The following CACNA1E variants were observed in gnomAD, a reference collection of about 807,000 sequenced individuals.
CACNA1E encodes calcium voltage-gated channel subunit alpha1 E, also known as voltage-dependent R-type calcium channel subunit alpha-1E.
CACNA1E carries 40 observed loss-of-function variants against 259.2 expected under a neutral mutation model. The observed-to-expected ratio is 0.15, with a 90% CI of 0.12 to 0.20. The LOEUF (loss-of-function observed/expected upper bound fraction) is 0.20, where lower values mean the gene tolerates loss of function less well. Ranked by LOEUF, CACNA1E falls within the 10% of genes least tolerant of loss-of-function variation. The pLI, the probability that CACNA1E is intolerant of heterozygous loss-of-function variation, is 1.00. For missense variants in CACNA1E, 1,874 were observed against 3,040.1 expected (o/e 0.62, Z 9.02); for synonymous variants, 1,104 against 1,138.5 (o/e 0.97, Z 0.61).
intron 1 of CACNA1E, among the ~76,000 whole-genome samples, chr1:181,321,431 T>C (rs905965492): frequency 1.3e-5 from 2 of 152,236 alleles, no homozygotes; most frequent in African/African-American, 4.8e-5. Flanking sequence ...AGGGTTTGTC[T>C]GCACCTTAGT....
chr1:181,721,856 G>T lies in CACNA1E; in HGVS notation c.2055G>T (p.Val685=). The change falls in exon 16 of 48, where the codon GTG becomes GTT. Residue 685 remains valine (V), a synonymous_variant. Coordinates refer to ENST00000367573, the MANE Select transcript of CACNA1E (RefSeq NM_001205293.3). ...TGTGGTCTGCCATCTACTTCATTGT[G>T]CTCACCTTGTTTGGCAACTGTATCC... ...SGMWSAIYFI[V]LTLFGNYTLL... The T allele has an allele frequency of 6.2e-7, 1 of 1,610,294 alleles. No homozygotes were observed. The highest frequency in any genetic ancestry group is 8.5e-7 in the Non-Finnish European group (1 of 1,176,544).
At chr1:181,514,397 AAG>A (rs1414996333) in intron 3 of CACNA1E, among the ~76,000 whole-genome samples, 1 of 152,184 alleles carries the variant, frequency 6.6e-6, no homozygotes, top group Non-Finnish European at 1.5e-5. Context: ...CTGGTACTCA[AAG>A]AGGGTAAGTT....
chr1:181,526,850 T>C (rs1279573002), intron 3 of CACNA1E, among the ~76,000 whole-genome samples: 1 of 152,254 alleles, frequency 6.6e-6, no homozygotes, highest in Non-Finnish European at 1.5e-5. Context: ...TGGTATGATA[T>C]ATGTTGAGCA....
chr1:181,605,525 A>G (rs1456648842), intron 6 of CACNA1E, among the ~76,000 whole-genome samples: 1 of 151,670 alleles, frequency 6.6e-6, no homozygotes, highest in Non-Finnish European at 1.5e-5. Flanking sequence ...GAAACACAGG[A>G]AAAAAAAATA....
intron 7 of CACNA1E, among the ~76,000 whole-genome samples, chr1:181,703,751 T>G (rs1014734172): frequency 4.6e-5 from 7 of 152,306 alleles, no homozygotes; most frequent in Non-Finnish European, 5.9e-5. Context: ...GCCCTAATCC[T>G]TGGAAATGGC....
chr1:181,626,665 G>C lies in CACNA1E; in HGVS notation c.952-24673G>C, dbSNP rs575316356. 7.2e-5 allele frequency among the ~76,000 whole-genome samples: 11 copies of C among 152,344 alleles called. No individual in the cohort carries two copies. In the East Asian group the frequency reaches 2.1e-3, roughly 29 times the overall value. On this transcript the variant is annotated intron_variant, in intron 6 of 47. Coordinates refer to ENST00000367573, the MANE Select transcript of CACNA1E (RefSeq NM_001205293.3). ...TAGTCATGTCAGCAAATGCAGAGGAGGAAGTATAGGTAGTGTAAGTATAGA... is the reference window on the plus strand; with the variant it reads ...TAGTCATGTCAGCAAATGCAGAGGACGAAGTATAGGTAGTGTAAGTATAGA...
intron 18 of CACNA1E, 101 bp downstream of exon 18, chr1:181,726,263 C>T: frequency 1.3e-6 from 1 of 799,788 alleles, no homozygotes; most frequent in South Asian, 1.6e-5. Context: ...CTACTACATG[C>T]TGGGAACTGT....
chr1:181,339,539 G>T (rs568680417), intron 1 of CACNA1E, among the ~76,000 whole-genome samples: 1 of 151,510 alleles, frequency 6.6e-6, no homozygotes, highest in Non-Finnish European at 1.5e-5. Flanking sequence ...ACATTTTGTG[G>T]TATGAGTTTA....
intron 37 of CACNA1E, among the ~76,000 whole-genome samples, chr1:181,774,874 C>T (rs745896943): frequency 1.3e-5 from 2 of 152,206 alleles, no homozygotes; most frequent in Non-Finnish European, 2.9e-5. Context: ...CTTTCACTTA[C>T]AAGAGACAGA....
At chr1:181,685,938 T>C (rs763583262) in intron 7 of CACNA1E, among the ~76,000 whole-genome samples, 1 of 152,190 alleles carries the variant, frequency 6.6e-6, no homozygotes, top group Non-Finnish European at 1.5e-5. Flanking sequence ...GCAACTAACA[T>C]TGGGTTTCAT....
At position 181,433,761 on chromosome 1, in the gene CACNA1E, C is replaced by T. The variant is rs190046392; in HGVS notation, c.434+20181C>T. Among the ~76,000 whole-genome samples the T allele has an allele frequency of 2.2e-3, 334 of 152,178 alleles. 1 individual carries two copies. The highest frequency in any genetic ancestry group is 4.0e-3 in the Non-Finnish European group (271 of 68,008). On this transcript the variant is annotated intron_variant, in intron 2 of 11. Transcript: ENST00000524607. The stretch of plus-strand genomic sequence containing the variant: ...CTTTCACTTTTCATTATACTGTGAG[C>T]GTTATAACAATATCATTAAGTATCG...
chr1:181,718,343 T>G (rs1654099977), intron 12 of CACNA1E, among the ~76,000 whole-genome samples, 176 bp downstream of exon 12: 1 of 152,178 alleles, frequency 6.6e-6, no homozygotes, highest in Admixed American at 6.5e-5. Context: ...ATGCAGGGTT[T>G]GTTTGTTTTT....
chr1:181,693,128 C>CAAAAAAAAAAAAAAAAAAAAAAA (rs61662957), intron 7 of CACNA1E, among the ~76,000 whole-genome samples: 4 of 97,848 alleles, frequency 4.1e-5, no homozygotes, highest in African/African-American at 7.9e-5. Context: ...CTATCTAAAG[C>CAAAAAAAAAAAAAAAAAAAAAAA]AAAAAAAAAA....
At chr1:181,340,483 A>G (rs572332471) in intron 1 of CACNA1E, among the ~76,000 whole-genome samples, 5 of 152,224 alleles carry the variant, frequency 3.3e-5, no homozygotes, top group African/African-American at 9.6e-5. Context: ...CACAAAATTT[A>G]TTGGTAATTT....
intron 1 of CACNA1E, among the ~76,000 whole-genome samples, chr1:181,500,506 T>C (rs1471028410): frequency 6.6e-6 from 1 of 152,238 alleles, no homozygotes; most frequent in African/African-American, 2.4e-5. Flanking sequence ...AGCACAACAC[T>C]TAGTTTTCTA....
chr1:181,551,963 G>A (rs1009089611), intron 3 of CACNA1E, among the ~76,000 whole-genome samples: 3 of 151,616 alleles, frequency 2.0e-5, no homozygotes, highest in Non-Finnish European at 4.4e-5. Context: ...ACTGACTCAA[G>A]TTATGCCAAG....
At chr1:181,709,720 T>G (rs1420809538) in intron 7 of CACNA1E, among the ~76,000 whole-genome samples, 1 of 152,150 alleles carries the variant, frequency 6.6e-6, no homozygotes, top group African/African-American at 2.4e-5. Flanking sequence ...CTCGAATTCC[T>G]GGGCTCAAAC....
rs1003917684 is a variant in CACNA1E at position 181,407,645 on chromosome 1, C to T, written c.-14-5488C>T. ...AGTCATGGTAAATGAAAATCATGCC[C>T]AGCTTTTACTCCTCCTTTTTCAGTC... On this transcript the variant is annotated intron_variant, in intron 1 of 11. Transcript: ENST00000524607. Among the ~76,000 whole-genome samples the T allele has an allele frequency of 1.6e-4, 25 of 152,184 alleles. 2 individuals carry two copies. Among genetic ancestry groups the T allele is most frequent in the Non-Finnish European group, 1.5e-5 (1 of 68,034 alleles).
intron 18 of CACNA1E, among the ~76,000 whole-genome samples, chr1:181,727,501 T>G (rs1246984196): frequency 6.6e-6 from 1 of 152,232 alleles, no homozygotes; most frequent in Non-Finnish European, 1.5e-5. Context: ...CAGAACCCAG[T>G]TGAAGTGGAC....
Sources: gnomAD v4.1 joint callset for allele counts (sites outside exome capture counted in the v4.1 genomes callset) on GRCh38, gnomAD v4.1.1 for gene constraint, MANE v1.5 for transcripts, NCBI Gene and HGNC (gene_info 2026-07-23, HGNC 2026-07-21) for gene names.